The following MYO18A variants were observed in gnomAD, a reference collection of about 807,000 sequenced individuals.
MYO18A encodes the protein myosin XVIIIA, also known as unconventional myosin-XVIIIa.
Under a neutral mutation model 235.8 loss-of-function variants are expected in MYO18A, and 78 were observed. The observed-to-expected ratio is 0.33, with a 90% CI of 0.28 to 0.40. The LOEUF (loss-of-function observed/expected upper bound fraction) is 0.40. MYO18A is among the 10% of genes least tolerant of loss of function. The pLI, the probability that MYO18A is intolerant of heterozygous loss-of-function variation, is 1.00. For missense variants in MYO18A, 2,215 were observed against 2,699.3 expected, an observed-to-expected ratio of 0.82 and a Z score of 3.98; for synonymous variants, 977 against 1,077.8, an observed-to-expected ratio of 0.91 and a Z score of 1.83.
chr17:29,162,685 G>C (rs776973798), intron 2 of MYO18A, among the ~76,000 whole-genome samples: 1 of 152,196 alleles, frequency 6.6e-6, no homozygotes, highest in Non-Finnish European at 1.5e-5. Context: ...GCTGCTCACC[G>C]CTGGAGCCCA....
At chr17:29,124,853 G>C (rs574272390) in intron 2 of MYO18A, among the ~76,000 whole-genome samples, 1 of 152,234 alleles carries the variant, frequency 6.6e-6, no homozygotes, top group African/African-American at 2.4e-5. Flanking sequence ...CCTGGGACCT[G>C]GCCTGAGCAG....
intron 40 of MYO18A, among the ~76,000 whole-genome samples, chr17:29,083,573 T>G (rs1223459951): frequency 8.6e-6 from 1 of 116,588 alleles, no homozygotes; most frequent in African/African-American, 3.5e-5. Context: ...ACCAGCAGAT[T>G]GTTCTGGGGA....
At chr17:29,098,061 T>C (rs752758761) in intron 25 of MYO18A, 44 bp downstream of exon 25, 2 of 1,607,152 alleles carry the variant, frequency 1.2e-6, no homozygotes, top group Admixed American at 1.7e-5. Context: ...CACTAGGGTA[T>C]GGCAGTCACC....
At position 29,126,738 on chromosome 17, in the gene MYO18A, G is replaced by C. The variant is rs2067331053; in HGVS notation, c.1000-4485C>G. Among the ~76,000 whole-genome samples the C allele has an allele frequency of 6.6e-6, 1 of 152,054 alleles. No homozygotes were observed. Among genetic ancestry groups the C allele is most frequent in the Non-Finnish European group, 1.5e-5 (1 of 67,982 alleles). On this transcript the variant is annotated intron_variant, in intron 2 of 41. Coordinates refer to ENST00000527372, the MANE Select transcript of MYO18A (RefSeq NM_078471.4). The surrounding 1 kb of genome is among the most constrained non-coding windows in gnomAD (Gnocchi z 4.1). The stretch of plus-strand genomic sequence containing the variant: ...CCCACACCCTGGGAGGCCTCAGCAG[G>C]GTCCAAAAAAGGGAAGCTTGAAGAG...
intron 2 of MYO18A, among the ~76,000 whole-genome samples, chr17:29,141,092 CTCTT>C (rs2152927200): frequency 6.6e-6 from 1 of 152,374 alleles, no homozygotes; most frequent in South Asian, 2.1e-4. Context: ...CAATTACACT[CTCTT>C]TGTTTACATC....
Position 29,099,615 on chromosome 17 carries a change from G to A in MYO18A, c.3636+19C>T. 4 of 1,608,768 alleles carry A rather than the reference G, an allele frequency of 2.5e-6. No homozygotes were observed. The highest frequency in any genetic ancestry group is 3.4e-6 in the Non-Finnish European group (4 of 1,177,386). On this transcript the variant is annotated intron_variant, in intron 22 of 41. Coordinates refer to ENST00000527372, the MANE Select transcript of MYO18A (RefSeq NM_078471.4). ...CCCATCTAGGTTGGGGAGGGGGAGGGATGTCTCTAGAGCAGCACCTTTCTC... is the reference window on the plus strand; with the variant it reads ...CCCATCTAGGTTGGGGAGGGGGAGGAATGTCTCTAGAGCAGCACCTTTCTC...
In MYO18A at chr17:29,087,029, G is replaced by C; in HGVS notation, c.5619C>G (p.Asn1873Lys). The change falls in exon 38 of 42, where the codon AAC becomes AAG. Residue 1873 changes from asparagine (N) to lysine (K), a missense_variant. Physicochemically the swap from Asn to Lys is moderately conservative, Grantham distance 94 (BLOSUM62 0). Coordinates refer to ENST00000527372, the MANE Select transcript of MYO18A (RefSeq NM_078471.4). Reference sequence around the variant, plus strand: ...CCCGGAGCTGCCTCTGTAGCCGCTTGTTCTGTTCCTTCTCCCGGTTCTCGG... The same window carrying C: ...CCCGGAGCTGCCTCTGTAGCCGCTTCTTCTGTTCCTTCTCCCGGTTCTCGG... ...IAAENREKEQ[N>K]KRLQRQLRDT... 1 of 1,614,042 alleles carries C rather than the reference G, an allele frequency of 6.2e-7. No individual in the cohort carries two copies. Among genetic ancestry groups the C allele is most frequent in the Non-Finnish European group, 8.5e-7 (1 of 1,179,900 alleles).
chr17:29,117,585 C>T lies in MYO18A; in HGVS notation c.2038+460G>A, dbSNP rs911890156. ...CTCCAGGCTTCTCCCCAGACCAGTC[C>T]TCTCTGCAGCAACAGAACAAGCCCA... On this transcript the variant is annotated intron_variant, in intron 10 of 41. Transcript: ENST00000527372. This position sits in a 1 kb window ranked among gnomAD's most constrained non-coding sequence, Gnocchi z 4.6. Among the ~76,000 whole-genome samples, 36 of 152,166 alleles carry T rather than the reference C, an allele frequency of 2.4e-4. No individual in the cohort carries two copies. Among genetic ancestry groups the T allele is most frequent in the African/African-American group, 8.2e-4 (34 of 41,436 alleles).
intron 34 of MYO18A, 195 bp from the exon 35 acceptor site, chr17:29,091,121 T>C: frequency 1.7e-6 from 1 of 580,194 alleles, no homozygotes; most frequent in Non-Finnish European, 3.1e-6. Flanking sequence ...GAAAGGGCTG[T>C]GTGCAGTACA....
chr17:29,121,947 G>C lies in MYO18A; in HGVS notation c.1098C>G (p.Leu366=). The change falls in exon 4 of 42, where the codon CTC becomes CTG. Residue 366 remains leucine, a synonymous_variant. Coordinates refer to ENST00000527372, the MANE Select transcript of MYO18A (RefSeq NM_078471.4). This position sits in a 1 kb window ranked among gnomAD's most constrained non-coding sequence, Gnocchi z 4.2. ...HRDGFSLASQ[L]KSEELNLPEG... ...CAGGCAAGTTGAGCTCCTCAGATTT[G>C]AGTTGACTGGCTGCAGGGGAGGGAC... 6.2e-7 allele frequency: 1 copy of C among 1,613,874 alleles called. No individual in the cohort carries two copies. Among genetic ancestry groups the C allele is most frequent in the Non-Finnish European group, 8.5e-7 (1 of 1,179,862 alleles).
intron 1 of MYO18A, among the ~76,000 whole-genome samples, chr17:29,175,653 T>G (rs1310161220): frequency 3.3e-5 from 5 of 151,850 alleles, no homozygotes. Context: ...TGTGAACCAC[T>G]GTGTCCGGCC....
chr17:29,087,219 G>C, intron 37 of MYO18A, 98 bp from the exon 38 acceptor site: 1 of 1,278,944 alleles, frequency 7.8e-7, no homozygotes, highest in Admixed American at 2.2e-5. Context: ...GCCTGGGGTC[G>C]AGCTCTGGCT....
rs1433495747 is a variant in MYO18A, at chr17:29,166,855, G to C, written c.86C>G (p.Ser29Ter). 6.4e-7 allele frequency: 1 copy of C among 1,565,942 alleles called. No individual in the cohort carries two copies. Among genetic ancestry groups the C allele is most frequent in the African/African-American group, 1.4e-5 (1 of 73,574 alleles). ...CTCCAGGCTCCGAAGCTCTGCCGCT[G>C]ACATCCGCTCCTTTTTCTCCTTTTT... ...KEKKEKKERMSAAELRSLEEM... is the reference protein window; with the variant it reads ...KEKKEKKERM Residue 29 changes from serine to a stop codon, truncating the protein, a stop_gained, in exon 2 of 42, where the codon TCA (serine) becomes TGA (stop). Transcript: ENST00000527372. LOFTEE classifies it high-confidence loss of function.
At chr17:29,128,878 G>T (rs987319265) in intron 2 of MYO18A, among the ~76,000 whole-genome samples, 2 of 152,164 alleles carry the variant, frequency 1.3e-5, no homozygotes, top group South Asian at 4.1e-4. Context: ...TGGGGTTACT[G>T]GCTTTGTGTC....
chr17:29,140,801 TACACAC>T lies in MYO18A; in HGVS notation c.1000-18554_1000-18549del, dbSNP rs141323766. Reference sequence around the variant, plus strand: ...GCGCACTCATGTGCATGTACACGTATACACACACACACACACACACCAGCATGCACG... The same window carrying T: ...GCGCACTCATGTGCATGTACACGTATACACACACACACACCAGCATGCACG... On this transcript the variant is annotated intron_variant, in intron 2 of 41. Transcript: ENST00000527372. The surrounding 1 kb of genome is among the most constrained non-coding windows in gnomAD (Gnocchi z 4.2). Among the ~76,000 whole-genome samples, 7 of 150,660 alleles carry T rather than the reference TACACAC, an allele frequency of 4.6e-5. No homozygotes were observed. Among genetic ancestry groups the T allele is most frequent in the Non-Finnish European group, 8.9e-5 (6 of 67,526 alleles).
chr17:29,101,141 G>C (rs897757681), intron 21 of MYO18A, among the ~76,000 whole-genome samples: 4 of 151,980 alleles, frequency 2.6e-5, no homozygotes, highest in African/African-American at 9.7e-5. Context: ...GGGACTACAG[G>C]TGTGCACCAC....
rs961707495 is a variant in MYO18A at position 29,121,371 on chromosome 17, G to A, written c.1372-160C>T. Among the ~76,000 whole-genome samples, 9 of 152,218 alleles carry A rather than the reference G, an allele frequency of 5.9e-5. No individual in the cohort carries two copies. Among genetic ancestry groups the A allele is most frequent in the African/African-American group, 1.7e-4 (7 of 41,446 alleles). ...CATGGAAATGAAGACACTAAGTCCT[G>A]GACTCCATCAAAGGTTGTGGGGAGG... On this transcript the variant is annotated intron_variant, in intron 5 of 41. Transcript: ENST00000527372. The surrounding 1 kb of genome is among the most constrained non-coding windows in gnomAD (Gnocchi z 4.2).
At chr17:29,175,691 A>G (rs1450659474) in intron 1 of MYO18A, among the ~76,000 whole-genome samples, 2 of 152,000 alleles carry the variant, frequency 1.3e-5, no homozygotes, top group African/African-American at 4.8e-5. Flanking sequence ...AAATATTTAT[A>G]TAAGATGATA....
intron 1 of MYO18A, among the ~76,000 whole-genome samples, chr17:29,178,917 C>T (rs980741923): frequency 6.6e-6 from 1 of 152,198 alleles, no homozygotes; most frequent in African/African-American, 2.4e-5. Context: ...TCCAGCACAC[C>T]CCAGTGCATA....
Sources: allele counts gnomAD v4.1 joint callset (sites outside exome capture counted in the v4.1 genomes callset), GRCh38; gene constraint gnomAD v4.1.1; non-coding constraint Gnocchi (gnomAD v3.1); transcripts MANE v1.5; gene names NCBI Gene and HGNC (gene_info 2026-07-23, HGNC 2026-07-21).